Variants in EPB41L5 observed in about 807,000 individuals in gnomAD.
The protein encoded by EPB41L5 is erythrocyte membrane protein band 4.1 like 5, also known as band 4.1-like protein 5.
In EPB41L5, 55 loss-of-function variants were observed where a neutral mutation model predicts 106.6. The observed-to-expected ratio is 0.52, with a 90% confidence interval of 0.42 to 0.65. EPB41L5 has a LOEUF of 0.65. EPB41L5 is among the 30% of genes least tolerant of loss of function. EPB41L5 has a pLI of 0.00. For missense variants in EPB41L5, 871 were observed against 882.1 expected, an observed-to-expected ratio of 0.99 and a Z score of 0.16; for synonymous variants, 297 against 306.7, an observed-to-expected ratio of 0.97 and a Z score of 0.33.
intron 16 of EPB41L5, chr2:120,105,570 A>G (rs1371877598): frequency 1.0e-4 from 101 of 985,384 alleles, no homozygotes; most frequent in Non-Finnish European, 1.2e-4. Context: ...ATATTTAAAG[A>G]ATGAAATTTG....
At chr2:120,088,035 A>G (rs1277463320) in intron 11 of EPB41L5, among the ~76,000 whole-genome samples, 1 of 151,912 alleles carries the variant, frequency 6.6e-6, no homozygotes, top group African/African-American at 2.4e-5. Flanking sequence ...ATAAATTTTA[A>G]CATATGCATA....
At chr2:120,123,141 C>T (rs1382868671) in intron 16 of EPB41L5, among the ~76,000 whole-genome samples, 5 of 151,728 alleles carry the variant, frequency 3.3e-5, no homozygotes, top group Admixed American at 2.6e-4. Context: ...TCATTGCAGA[C>T]AAAGTTTTGT....
intron 3 of EPB41L5, among the ~76,000 whole-genome samples, chr2:120,067,361 C>T (rs573842257): frequency 6.6e-6 from 1 of 152,182 alleles, no homozygotes; most frequent in African/African-American, 2.4e-5. Context: ...CTCTGCCTAT[C>T]TGCGTTTCTG....
At chr2:120,106,012 A>G (rs1306361375) in intron 16 of EPB41L5, 2 of 985,128 alleles carry the variant, frequency 2.0e-6, no homozygotes, top group Non-Finnish European at 2.4e-6. Flanking sequence ...TCTGCAGGAC[A>G]TGCTCATATA....
intron 10 of EPB41L5, among the ~76,000 whole-genome samples, chr2:120,080,171 C>G (rs1164821364): frequency 6.6e-6 from 1 of 150,840 alleles, no homozygotes; most frequent in South Asian, 2.1e-4. Flanking sequence ...AGGTTTGTTA[C>G]GTATGTATAC....
At chr2:120,028,642 T>TGC (rs1678498737) in intron 2 of EPB41L5, among the ~76,000 whole-genome samples, 1 of 152,170 alleles carries the variant, frequency 6.6e-6, no homozygotes, top group South Asian at 2.1e-4. Flanking sequence ...ATGATGAGGC[T>TGC]GCAGACTTAC....
intron 3 of EPB41L5, among the ~76,000 whole-genome samples, chr2:120,064,835 C>T (rs888909184): frequency 1.3e-5 from 2 of 152,152 alleles, no homozygotes; most frequent in African/African-American, 4.8e-5. Context: ...TCTCTGAGGC[C>T]TGAATTTTCC....
intron 16 of EPB41L5, among the ~76,000 whole-genome samples, chr2:120,101,864 C>G (rs1160536201): frequency 6.6e-6 from 1 of 152,066 alleles, no homozygotes; most frequent in Non-Finnish European, 1.5e-5. Flanking sequence ...CCATTTTCTC[C>G]TTTTTATTTT....
chr2:120,139,271 G>A (rs1686069973), intron 18 of EPB41L5, among the ~76,000 whole-genome samples: 1 of 151,974 alleles, frequency 6.6e-6, no homozygotes, highest in South Asian at 2.1e-4. Flanking sequence ...TCTATGCAAA[G>A]ATTTCTTGAA....
intron 3 of EPB41L5, among the ~76,000 whole-genome samples, chr2:120,043,273 G>A (rs1574513525): frequency 6.6e-6 from 1 of 152,154 alleles, no homozygotes; most frequent in South Asian, 2.1e-4. Flanking sequence ...ATGCATGGTG[G>A]CTCACACCTG....
intron 14 of EPB41L5, among the ~76,000 whole-genome samples, 154 bp from the exon 15 acceptor site, chr2:120,100,084 CATTCTT>C (rs750985234): frequency 9.9e-5 from 15 of 152,182 alleles, no homozygotes; most frequent in Non-Finnish European, 2.1e-4. Flanking sequence ...AGGTATCTGA[CATTCTT>C]AGTTTTAGGT....
At chr2:120,052,404 T>C (rs1189910048) in intron 3 of EPB41L5, among the ~76,000 whole-genome samples, 2 of 152,224 alleles carry the variant, frequency 1.3e-5, no homozygotes, top group Non-Finnish European at 2.9e-5. Context: ...TGATACTAAA[T>C]TTGATCCCTT....
intron 24 of EPB41L5, among the ~76,000 whole-genome samples, chr2:120,169,191 A>AAAC (rs1687555464): frequency 6.6e-6 from 1 of 152,126 alleles, no homozygotes; most frequent in Non-Finnish European, 1.5e-5. Flanking sequence ...CATATGTAAT[A>AAAC]CAGTTTTCTG....
At chr2:120,092,341 AT>A (rs35996116) in intron 13 of EPB41L5, among the ~76,000 whole-genome samples, 3 of 152,098 alleles carry the variant, frequency 2.0e-5, no homozygotes, top group African/African-American at 7.2e-5. Flanking sequence ...CTTGTGATGA[AT>A]TTTTTTTAAG....
At chr2:120,121,377 T>G (rs1445149155) in intron 16 of EPB41L5, among the ~76,000 whole-genome samples, 2 of 151,838 alleles carry the variant, frequency 1.3e-5, no homozygotes, top group Admixed American at 1.3e-4. Flanking sequence ...CAGGCCCCAG[T>G]GTGTGGTGTT....
chr2:120,134,757 G>T (rs1348150918), intron 18 of EPB41L5, among the ~76,000 whole-genome samples: 1 of 152,228 alleles, frequency 6.6e-6, no homozygotes, highest in Non-Finnish European at 1.5e-5. Context: ...CCCTAATGCA[G>T]ATATGGCTGG....
At position 120,179,003 on chromosome 2, in the gene EPB41L5, TTTAG is replaced by T. The variant is rs1158277720; in HGVS notation, c.*4098_*4101del. On this transcript the variant is annotated 3_prime_UTR_variant, in exon 25 of 25. Coordinates refer to ENST00000263713, the MANE Select transcript of EPB41L5 (RefSeq NM_020909.4). ...ATTTTTCTATCAAGTGCACTATTCATTTAGTGTGTTCCAGTTTTATATGACTTGT... is the reference window on the plus strand; with the variant it reads ...ATTTTTCTATCAAGTGCACTATTCATTGTGTTCCAGTTTTATATGACTTGT... The T allele has an allele frequency of 2.6e-5, 4 of 152,356 alleles. No individual in the cohort carries two copies. Among genetic ancestry groups the T allele is most frequent in the South Asian group, 2.1e-4 (1 of 4,830 alleles). 9.4% of individuals were successfully genotyped at this position (152,356 alleles called of 1,614,324 possible).
At chr2:120,034,482 G>A (rs1323759792) in intron 2 of EPB41L5, among the ~76,000 whole-genome samples, 1 of 152,158 alleles carries the variant, frequency 6.6e-6, no homozygotes, top group Non-Finnish European at 1.5e-5. Flanking sequence ...GACTTGTGTG[G>A]CTTTCTGCTG....
intron 3 of EPB41L5, among the ~76,000 whole-genome samples, chr2:120,060,612 T>C (rs1282595567): frequency 6.6e-6 from 1 of 152,166 alleles, no homozygotes; most frequent in African/African-American, 2.4e-5. Context: ...GTTAGGGATA[T>C]TGGCGTTGGG....
Sources: gnomAD v4.1 joint callset for allele counts (sites outside exome capture counted in the v4.1 genomes callset) on GRCh38, gnomAD v4.1.1 for gene constraint, MANE v1.5 for transcripts, NCBI Gene and HGNC (gene_info 2026-07-23, HGNC 2026-07-21) for gene names.